Variants in AMPH observed in about 807,000 individuals in gnomAD.
AMPH encodes amphiphysin.
A neutral mutation model predicts 99.1 loss-of-function variants in AMPH; 49 were observed. The ratio of observed to expected loss-of-function variants is 0.49; its 90% CI spans 0.39 to 0.63. AMPH has a LOEUF of 0.63. Ranked by LOEUF, AMPH falls within the 20% of genes least tolerant of loss-of-function variation. The pLI, the probability that AMPH is intolerant of heterozygous loss-of-function variation, is 0.00. For missense variants in AMPH, 759 were observed against 863.4 expected (o/e 0.88, Z 1.52); for synonymous variants, 314 against 317.3 (o/e 0.99, Z 0.11).
At chr7:38,397,118 G>A (rs977045360) in intron 17 of AMPH, among the ~76,000 whole-genome samples, 2 of 152,208 alleles carry the variant, frequency 1.3e-5, no homozygotes, top group African/African-American at 2.4e-5. Flanking sequence ...CACACATGCA[G>A]CAGAGGCACT....
At position 38,610,343 on chromosome 7, in the gene AMPH, GAAA is replaced by G. The variant is rs61682832; in HGVS notation, c.69+20937_69+20939del. ...AAAGAAAAGAAAAGAAAAAAGAAAAGAAAAGAAAAGAAAAGAAAAGAAAAGAAA... is the reference window on the plus strand; with the variant it reads ...AAAGAAAAGAAAAGAAAAAAGAAAAGAGAAAAGAAAAGAAAAGAAAAGAAA... On this transcript the variant is annotated intron_variant, in intron 1 of 20. Transcript: ENST00000356264. Among the ~76,000 whole-genome samples, 3 of 25,046 alleles carry G rather than the reference GAAA, an allele frequency of 1.2e-4. 1 individual carries two copies. Among genetic ancestry groups the G allele is most frequent in the Admixed American group, 9.2e-4 (2 of 2,174 alleles). The allele number at this position is 25,046 out of a possible 152,430, so 16.4% of individuals were successfully genotyped here.
intron 1 of AMPH, among the ~76,000 whole-genome samples, chr7:38,564,907 G>A (rs1181668808): frequency 1.3e-5 from 2 of 152,014 alleles, no homozygotes; most frequent in Non-Finnish European, 2.9e-5. Context: ...GGTGGATCAC[G>A]AGGTCAGGAG....
chr7:38,461,339 T>G lies in AMPH; in HGVS notation c.961A>C (p.Ile321Leu). 1 of 1,614,146 alleles carries G rather than the reference T, an allele frequency of 6.2e-7. No individual in the cohort carries two copies. The highest frequency in any genetic ancestry group is 8.5e-7 in the Non-Finnish European group (1 of 1,179,990). Residue 321 changes from isoleucine (I) to leucine (L), a missense_variant, in exon 11 of 21, where the codon ATC (isoleucine) becomes CTC (leucine). Transcript: ENST00000356264. ...ACAAAGTTGTCCTCAAAGAAACTGA[T>G]GATGTTCTCCTGCTGCAGTTCCTTT... The part of the protein sequence containing the change: ...PTKELQQENI[I>L]SFFEDNFVPE...
In AMPH at chr7:38,513,838, T is replaced by A. The variant is rs148095128; in HGVS notation, c.151-10134A>T. ...CCTCCTGCCTACTCAAGGGAACAGA[T>A]CAGCTGTTCTTCCCTTTGTCTGATG... On this transcript the variant is annotated intron_variant, in intron 2 of 20. Transcript: ENST00000356264. 4.7e-4 allele frequency among the ~76,000 whole-genome samples: 71 copies of A among 152,334 alleles called. No homozygotes were observed. The East Asian group carries it at 0.013, about 29-fold the overall frequency.
intron 4 of AMPH, among the ~76,000 whole-genome samples, chr7:38,492,030 G>A (rs1047735557): frequency 2.6e-5 from 4 of 152,210 alleles, no homozygotes; most frequent in African/African-American, 9.6e-5. Context: ...ACTCAAGAAT[G>A]TCATCTTCAC....
chr7:38,629,276 G>T (rs758496546), intron 1 of AMPH, among the ~76,000 whole-genome samples: 1 of 152,148 alleles, frequency 6.6e-6, no homozygotes, highest in Non-Finnish European at 1.5e-5. Flanking sequence ...ACTCAGAAAG[G>T]GGGGCAGAAC....
chr7:38,412,336 T>C (rs1212687948), intron 17 of AMPH, among the ~76,000 whole-genome samples: 1 of 152,230 alleles, frequency 6.6e-6, no homozygotes, highest in Non-Finnish European at 1.5e-5. Context: ...AAGAACAACC[T>C]GAATCTTGAG....
chr7:38,528,825 A>G (rs1488379253), intron 2 of AMPH, among the ~76,000 whole-genome samples: 1 of 151,162 alleles, frequency 6.6e-6, no homozygotes, highest in South Asian at 2.1e-4. Flanking sequence ...TTGATTTAAG[A>G]CCTTTCCTTG....
At chr7:38,575,759 T>C (rs1281713450) in intron 1 of AMPH, among the ~76,000 whole-genome samples, 1 of 152,172 alleles carries the variant, frequency 6.6e-6, no homozygotes, top group Non-Finnish European at 1.5e-5. Context: ...AGCATGAAAA[T>C]GGACTAATAC....
chr7:38,499,418 T>C (rs940718269), intron 3 of AMPH, among the ~76,000 whole-genome samples: 6 of 152,136 alleles, frequency 3.9e-5, no homozygotes, highest in Non-Finnish European at 5.9e-5. Flanking sequence ...CACAATAAAA[T>C]GATTAGAATT....
At chr7:38,469,526 C>T (rs1394572490) in intron 7 of AMPH, among the ~76,000 whole-genome samples, 1 of 152,162 alleles carries the variant, frequency 6.6e-6, no homozygotes, top group Non-Finnish European at 1.5e-5. Flanking sequence ...GCAACCCTTG[C>T]TGTCCTTCAC....
intron 1 of AMPH, among the ~76,000 whole-genome samples, chr7:38,576,686 T>C (rs888365703): frequency 6.6e-6 from 1 of 152,152 alleles, no homozygotes; most frequent in Non-Finnish European, 1.5e-5. Context: ...TATGTTTTTT[T>C]AAAACAGGCT....
At position 38,608,329 on chromosome 7, in the gene AMPH, C is replaced by A. The variant is rs574526371; in HGVS notation, c.69+22954G>T. Among the ~76,000 whole-genome samples the A allele has an allele frequency of 3.3e-5, 5 of 152,326 alleles. No individual in the cohort carries two copies. The South Asian group carries it at 8.3e-4, about 25-fold the overall frequency. ...CCATCCAGCCCTTTATCTCTCTGCT[C>A]CTGGTGTCCTCATGGGTAAAACTGA... is the stretch of plus-strand genomic sequence containing the variant. On this transcript the variant is annotated intron_variant, in intron 1 of 20. Transcript: ENST00000356264.
intron 1 of AMPH, among the ~76,000 whole-genome samples, chr7:38,556,319 T>C (rs1446764908): frequency 1.3e-5 from 2 of 152,266 alleles, no homozygotes; most frequent in Middle Eastern, 3.4e-3. Context: ...ATAATTTTAC[T>C]GTTATTAGAC....
intron 1 of AMPH, among the ~76,000 whole-genome samples, chr7:38,540,345 A>G (rs1323749028): frequency 1.3e-5 from 2 of 152,100 alleles, no homozygotes; most frequent in Non-Finnish European, 2.9e-5. Flanking sequence ...ACTTCCTTTC[A>G]GTGAGATTCT....
chr7:38,433,087 A>G (rs1322646207), intron 12 of AMPH, among the ~76,000 whole-genome samples: 4 of 152,204 alleles, frequency 2.6e-5, no homozygotes, highest in African/African-American at 9.7e-5. Context: ...ATTTTGAACT[A>G]CTAAATGTCA....
At chr7:38,438,562 A>G (rs1786381040) in intron 11 of AMPH, among the ~76,000 whole-genome samples, 1 of 145,476 alleles carries the variant, frequency 6.9e-6, no homozygotes, top group South Asian at 2.1e-4. Flanking sequence ...ATGGGAATAT[A>G]TTCATTATTT....
intron 17 of AMPH, 137 bp downstream of exon 17, chr7:38,417,688 T>C: frequency 8.6e-7 from 1 of 1,157,526 alleles, no homozygotes; most frequent in East Asian, 2.4e-5. Flanking sequence ...TGAAGGCTAT[T>C]TGAACCTGGG....
chr7:38,538,020 A>G, intron 1 of AMPH, among the ~76,000 whole-genome samples: 1 of 152,222 alleles, frequency 6.6e-6, no homozygotes, highest in East Asian at 1.9e-4. Context: ...AGGAAGACCC[A>G]AAACTCACAT....
Sources: gnomAD v4.1 joint callset for allele counts (sites outside exome capture counted in the v4.1 genomes callset) on GRCh38, gnomAD v4.1.1 for gene constraint, MANE v1.5 for transcripts, NCBI Gene and HGNC (gene_info 2026-07-23, HGNC 2026-07-21) for gene names.